The following SEL1L2 variants were observed in gnomAD, a reference collection of about 807,000 sequenced individuals.
SEL1L2 encodes the protein protein sel-1 homolog 2.
SEL1L2 carries 89 observed loss-of-function variants against 98.8 expected under a neutral mutation model. The ratio of observed to expected loss-of-function variants is 0.90; its 90% CI spans 0.76 to 1.07. The LOEUF is 1.07. Ranked by LOEUF, SEL1L2 falls within the 50% of genes least tolerant of loss-of-function variation. The pLI is 0.00. For missense variants in SEL1L2, 788 were observed against 812.0 expected, an observed-to-expected ratio of 0.97 and a Z score of 0.36; for synonymous variants, 262 against 278.5, an observed-to-expected ratio of 0.94 and a Z score of 0.59.
chr20:13,888,941 C>T (rs1414981325), intron 5 of SEL1L2, among the ~76,000 whole-genome samples: 5 of 147,362 alleles, frequency 3.4e-5, no homozygotes, highest in Admixed American at 6.7e-5. Context: ...CCACTGCTCC[C>T]GGCCTCTTTC....
intron 5 of SEL1L2, among the ~76,000 whole-genome samples, chr20:13,912,191 G>C (rs1223613656): frequency 6.6e-6 from 1 of 151,902 alleles, no homozygotes; most frequent in Non-Finnish European, 1.5e-5. Flanking sequence ...TCCAACTTCT[G>C]GTTCAACTAA....
chr20:13,875,542 TC>T (rs746474332), intron 12 of SEL1L2, among the ~76,000 whole-genome samples: 3 of 152,224 alleles, frequency 2.0e-5, no homozygotes, highest in Non-Finnish European at 4.4e-5. Context: ...AGATCCCTAT[TC>T]TCAGTCGCCT....
chr20:13,914,520 C>T (rs2048323794), intron 4 of SEL1L2, among the ~76,000 whole-genome samples: 1 of 152,158 alleles, frequency 6.6e-6, no homozygotes, highest in Non-Finnish European at 1.5e-5. Context: ...GGCTAGGGCT[C>T]TAGAGTCTGA....
At position 13,901,071 on chromosome 20, in the gene SEL1L2, C is replaced by CTTT. The variant is rs746353560; in HGVS notation, c.550-12562_550-12560dup. 9.4e-4 allele frequency among the ~76,000 whole-genome samples: 125 copies of CTTT among 133,306 alleles called. 6 individuals are homozygous for CTTT. Among genetic ancestry groups the CTTT allele is most frequent in the South Asian group, 5.0e-3 (20 of 4,008 alleles). The allele number at this position is 133,306 out of a possible 152,430, so 87.5% of individuals were successfully genotyped here. A position where few individuals can be genotyped will look rare whatever the true frequency, so the allele number is the denominator to read the frequency against. On this transcript the variant is annotated intron_variant, in intron 5 of 19. Transcript: ENST00000284951. ...CTTTTCTTTTTCTTTTTCTTTCTTT[C>CTTT]TTTCTTTTTTTTTTTTTGAGACGGA...
chr20:13,988,180 C>T (rs2052338531), intron 1 of SEL1L2, among the ~76,000 whole-genome samples: 1 of 151,954 alleles, frequency 6.6e-6, no homozygotes. Context: ...CAAATTCATT[C>T]TTATGAATTT....
intron 2 of SEL1L2, among the ~76,000 whole-genome samples, chr20:13,939,665 CTTTTTTTTT>C (rs3042764): frequency 5.8e-5 from 8 of 138,494 alleles, no homozygotes; most frequent in Non-Finnish European, 7.7e-5. Flanking sequence ...CACCCTTATT[CTTTTTTTTT>C]TTTTTTTTTG....
At chr20:13,930,142 C>CT (rs148833325) in intron 3 of SEL1L2, among the ~76,000 whole-genome samples, 2,076 of 152,260 alleles carry the variant, frequency 0.014, 57 homozygotes, top group African/African-American at 0.047. Flanking sequence ...CCTTGGGACT[C>CT]TAACTCCTAA....
intron 3 of SEL1L2, among the ~76,000 whole-genome samples, chr20:13,928,741 T>TG (rs2049002229): frequency 6.6e-6 from 1 of 152,232 alleles, no homozygotes; most frequent in African/African-American, 2.4e-5. Context: ...ATCAATAGGT[T>TG]GGAATAATGG....
chr20:13,861,635 C>A (rs1205279183), intron 17 of SEL1L2, among the ~76,000 whole-genome samples: 1 of 151,942 alleles, frequency 6.6e-6, no homozygotes, highest in Non-Finnish European at 1.5e-5. Context: ...TGAAGAGAAA[C>A]CTCATATTGT....
chr20:13,912,946 G>A (rs1482259934), intron 5 of SEL1L2, among the ~76,000 whole-genome samples: 1 of 152,202 alleles, frequency 6.6e-6, no homozygotes, highest in Admixed American at 6.5e-5. Flanking sequence ...CAGAACTAGA[G>A]AGTGAAACAA....
At position 13,990,526 on chromosome 20, in the gene SEL1L2, G is replaced by C; in HGVS notation, c.9C>G (p.Pro3=). The change falls in exon 1 of 20, where the codon CCC becomes CCG. Residue 3 remains proline (P), a synonymous_variant. Transcript: ENST00000284951. MK[P]LSLLIEILII... ...TCAATATCTCTATTAACAGAGACAA[G>C]GGCTTCATCTTCTCTTAAGCAGCTT... 2 of 1,612,102 alleles carry C rather than the reference G, an allele frequency of 1.2e-6. No homozygotes were observed. Among genetic ancestry groups the C allele is most frequent in the Non-Finnish European group, 1.7e-6 (2 of 1,178,738 alleles).
chr20:13,895,642 C>A (rs2047390442), intron 5 of SEL1L2, among the ~76,000 whole-genome samples: 1 of 152,240 alleles, frequency 6.6e-6, no homozygotes, highest in Non-Finnish European at 1.5e-5. Context: ...CAGCTTACAT[C>A]ATACCCAATG....
At chr20:13,911,909 A>G (rs1016962481) in intron 5 of SEL1L2, among the ~76,000 whole-genome samples, 4 of 152,122 alleles carry the variant, frequency 2.6e-5, no homozygotes, top group African/African-American at 7.2e-5. Flanking sequence ...CTCCTCCCAC[A>G]TATCTTTTCT....
intron 10 of SEL1L2, among the ~76,000 whole-genome samples, chr20:13,881,514 A>G (rs1309065621): frequency 6.6e-6 from 1 of 152,176 alleles, no homozygotes; most frequent in Non-Finnish European, 1.5e-5. Context: ...TCCTAATCCA[A>G]TTTATTCTGA....
intron 5 of SEL1L2, among the ~76,000 whole-genome samples, chr20:13,900,631 T>A (rs1600673701): frequency 6.6e-6 from 1 of 152,314 alleles, no homozygotes; most frequent in East Asian, 1.9e-4. Context: ...AGGCGACATA[T>A]GTAGAAACAT....
intron 18 of SEL1L2, among the ~76,000 whole-genome samples, chr20:13,854,313 C>G (rs1411062416): frequency 6.6e-6 from 1 of 152,172 alleles, no homozygotes; most frequent in East Asian, 1.9e-4. Context: ...TTCTGCCATA[C>G]TTTAGAACAG....
rs961300891 is a variant in SEL1L2, at chr20:13,854,172, G to C, written c.1819-3853C>G. Among the ~76,000 whole-genome samples, 7 of 152,258 alleles carry C rather than the reference G, an allele frequency of 4.6e-5. No individual in the cohort carries two copies. The East Asian group carries it at 1.2e-3, about 25-fold the overall frequency. On this transcript the variant is annotated intron_variant, in intron 18 of 19. Coordinates refer to ENST00000284951, the MANE Select transcript of SEL1L2 (RefSeq NM_025229.2). ...TTGTGTCATAATCATTTTTATTTTT[G>C]ACAGGTCTATTGATAATTTATTTGG...
At chr20:13,972,968 C>T (rs2051352473) in intron 1 of SEL1L2, among the ~76,000 whole-genome samples, 2 of 151,936 alleles carry the variant, frequency 1.3e-5, no homozygotes, top group South Asian at 2.1e-4. Context: ...TTTATTTTTC[C>T]TCTGAGTTTT....
intron 3 of SEL1L2, among the ~76,000 whole-genome samples, chr20:13,930,447 C>T (rs2049095416): frequency 1.3e-5 from 2 of 152,198 alleles, no homozygotes; most frequent in Non-Finnish European, 2.9e-5. Context: ...TTTGTGGTTT[C>T]CCTATATCCT....
Sources: allele counts gnomAD v4.1 joint callset (sites outside exome capture counted in the v4.1 genomes callset), GRCh38; gene constraint gnomAD v4.1.1; transcripts MANE v1.5; gene names NCBI Gene and HGNC (gene_info 2026-07-23, HGNC 2026-07-21).